The following TARS3 variants were observed in gnomAD, a reference collection of about 807,000 sequenced individuals.
TARS3 encodes threonine--tRNA ligase 2, cytoplasmic.
Under a neutral mutation model 103.5 loss-of-function variants are expected in TARS3, and 94 were observed. The ratio of observed to expected loss-of-function variants is 0.91; its 90% confidence interval spans 0.77 to 1.08. TARS3 has a LOEUF of 1.08. TARS3 is among the 50% of genes least tolerant of loss of function. The pLI is 0.00. For missense variants in TARS3, 952 were observed against 995.2 expected, an observed-to-expected ratio of 0.96 and a Z score of 0.58; for synonymous variants, 416 against 355.4, an observed-to-expected ratio of 1.17 and a Z score of -1.92.
intron 10 of TARS3, among the ~76,000 whole-genome samples, chr15:101,690,516 G>A: frequency 6.6e-6 from 1 of 152,050 alleles, no homozygotes; most frequent in East Asian, 1.9e-4. Context: ...CACACATACA[G>A]GATTTTGTTG....
Position 101,713,213 on chromosome 15 carries a change from A to G in TARS3, c.691-1212T>C, listed in dbSNP as rs542456270. Among the ~76,000 whole-genome samples, 6 of 152,314 alleles carry G rather than the reference A, an allele frequency of 3.9e-5. No individual in the cohort carries two copies. The South Asian group carries it at 1.0e-3, about 26-fold the overall frequency. ...AAGGAGATGAACAGGGCTCTGTAAT[A>G]TAGAAAAATGGTGAGTGTCCTGCAT... is the stretch of plus-strand genomic sequence containing the variant. On this transcript the variant is annotated intron_variant, in intron 4 of 18. Coordinates refer to ENST00000335968, the MANE Select transcript of TARS3 (RefSeq NM_152334.3).
chr15:101,654,654 T>C lies in TARS3; in HGVS notation c.2337A>G (p.Leu779=), dbSNP rs1897131299. Residue 779 remains leucine, a synonymous_variant, in exon 19 of 19, where the codon TTA becomes TTG. Coordinates refer to ENST00000335968, the MANE Select transcript of TARS3 (RefSeq NM_152334.3). ...TRDNKIHGEI[L]VTSAIDKLKN... is the part of the protein sequence containing the mutation. The stretch of plus-strand genomic sequence containing the variant: ...TCAGTTTATCAATGGCAGAAGTTAC[T>C]AAAATCTCTCCATGAATTTTGTTGT... 13 of 1,614,210 alleles carry C rather than the reference T, an allele frequency of 8.1e-6. No individual in the cohort carries two copies. The highest frequency in any genetic ancestry group is 1.3e-5 in the African/African-American group (1 of 75,072).
At chr15:101,676,599 A>G (rs1285988616) in intron 12 of TARS3, among the ~76,000 whole-genome samples, 1 of 151,998 alleles carries the variant, frequency 6.6e-6, no homozygotes, top group East Asian at 1.9e-4. Flanking sequence ...CTCGGGTTCA[A>G]GCGGTTCTCA....
rs185263161 is a variant in TARS3 at position 101,667,447 on chromosome 15, T to C, written c.1967+4039A>G. The stretch of plus-strand genomic sequence containing the variant: ...TCTTCTAATAGAAGGCTGCTTCATA[T>C]ATATTGAAAATCTGTTGTTTAGTGT... On this transcript the variant is annotated intron_variant, in intron 15 of 18. Transcript: ENST00000335968. Among the ~76,000 whole-genome samples the C allele has an allele frequency of 4.6e-5, 7 of 152,318 alleles. No homozygotes were observed. In the East Asian group the frequency reaches 9.6e-4, roughly 21 times the overall value.
rs533538921 is a variant in TARS3, at chr15:101,655,958, T to C, written c.2260+964A>G. The stretch of plus-strand genomic sequence containing the variant: ...AAAGTTTGTTCTCTCTAGTGACCCA[T>C]ATTGTGAGATGATGCAGGAATCTAC... On this transcript the variant is annotated intron_variant, in intron 18 of 18. Coordinates refer to ENST00000335968, the MANE Select transcript of TARS3 (RefSeq NM_152334.3). The C allele has an allele frequency of 1.8e-3, 2,378 of 1,289,200 alleles. 3 individuals carry two copies. The highest frequency in any genetic ancestry group is 1.9e-3 in the Non-Finnish European group (1,830 of 988,694). 79.9% of individuals were successfully genotyped at this position (1,289,200 alleles called of 1,614,324 possible). A position where few individuals can be genotyped will look rare whatever the true frequency, so the allele number is the denominator to read the frequency against.
At chr15:101,718,854 G>T (rs1286530743) in intron 3 of TARS3, among the ~76,000 whole-genome samples, 1 of 152,202 alleles carries the variant, frequency 6.6e-6, no homozygotes, top group African/African-American at 2.4e-5. Flanking sequence ...CATGGTAATT[G>T]TATTGCCAAA....
intron 13 of TARS3, 46 bp from the exon 14 acceptor site, chr15:101,671,794 T>C: frequency 1.3e-6 from 2 of 1,499,054 alleles, no homozygotes; most frequent in South Asian, 1.2e-5. Flanking sequence ...CTGTATCTTT[T>C]TTTTTTACAT....
intron 3 of TARS3, among the ~76,000 whole-genome samples, chr15:101,715,760 C>G (rs1900125937): frequency 2.0e-5 from 3 of 152,146 alleles, no homozygotes. Flanking sequence ...GAGTATATCA[C>G]ACAGACATCT....
intron 10 of TARS3, among the ~76,000 whole-genome samples, chr15:101,695,325 T>C (rs1425949876): frequency 6.6e-6 from 1 of 152,126 alleles, no homozygotes; most frequent in East Asian, 1.9e-4. Flanking sequence ...AGTTTTGGCA[T>C]TTCTGAAATG....
At chr15:101,689,162 T>A (rs575714922) in intron 10 of TARS3, among the ~76,000 whole-genome samples, 15 of 152,262 alleles carry the variant, frequency 9.9e-5, no homozygotes, top group African/African-American at 3.6e-4. Context: ...GGGGAAAGAC[T>A]TACTACCCTT....
chr15:101,701,506 G>C (rs957015365), intron 9 of TARS3, among the ~76,000 whole-genome samples: 1 of 152,224 alleles, frequency 6.6e-6, no homozygotes, highest in African/African-American at 2.4e-5. Flanking sequence ...GTGGGCTTTA[G>C]GTGATGATGA....
chr15:101,705,420 C>T (rs1182340183), intron 7 of TARS3, among the ~76,000 whole-genome samples: 1 of 152,176 alleles, frequency 6.6e-6, no homozygotes, highest in African/African-American at 2.4e-5. Context: ...ACTCCTTTCC[C>T]AACAGTATCA....
chr15:101,710,400 T>C (rs1899802114), intron 5 of TARS3, among the ~76,000 whole-genome samples: 1 of 152,210 alleles, frequency 6.6e-6, no homozygotes, highest in South Asian at 2.1e-4. Context: ...ACTCCCGATT[T>C]GTAGCCTGTA....
At chr15:101,702,447 T>C in intron 8 of TARS3, 62 bp from the exon 9 acceptor site, 1 of 1,390,710 alleles carries the variant, frequency 7.2e-7, no homozygotes, top group Non-Finnish European at 1.0e-6. Flanking sequence ...AAAACTGCTC[T>C]TAAATACAAA....
chr15:101,716,177 C>G (rs573254664), intron 3 of TARS3, among the ~76,000 whole-genome samples: 1 of 152,254 alleles, frequency 6.6e-6, no homozygotes, highest in East Asian at 1.9e-4. Context: ...CCACCACACT[C>G]AGCTAACTTT....
chr15:101,657,344 G>A (rs1897229221), intron 17 of TARS3, among the ~76,000 whole-genome samples: 1 of 152,216 alleles, frequency 6.6e-6, no homozygotes, highest in Admixed American at 6.5e-5. Flanking sequence ...AACTGTGAGC[G>A]AGCCCCGAGC....
At position 101,706,045 on chromosome 15, in the gene TARS3, C is replaced by T. The variant is rs545488794; in HGVS notation, c.931-298G>A. 3.3e-5 allele frequency among the ~76,000 whole-genome samples: 5 copies of T among 152,284 alleles called. No individual in the cohort carries two copies. The East Asian group carries it at 5.8e-4, about 18-fold the overall frequency. On this transcript the variant is annotated intron_variant, in intron 6 of 18. Transcript: ENST00000335968. ...GTGCCACCATCTTGGCTCACTGCAA[C>T]GTCCGTCTCCCTGGTTCAAGCGATT...
At chr15:101,660,118 T>C (rs549709637) in intron 16 of TARS3, among the ~76,000 whole-genome samples, 62 of 152,338 alleles carry the variant, frequency 4.1e-4, no homozygotes, top group African/African-American at 1.4e-3. Context: ...GAGGAACTGG[T>C]TGCAGTGACC....
chr15:101,685,762 A>T (rs1898444977), intron 11 of TARS3, 134 bp downstream of exon 11: 2 of 643,992 alleles, frequency 3.1e-6, no homozygotes, highest in Non-Finnish European at 4.8e-6. Flanking sequence ...GGAATGAAAC[A>T]ACTTAGTAAA....
Sources: gnomAD v4.1 joint callset for allele counts (sites outside exome capture counted in the v4.1 genomes callset) on GRCh38, gnomAD v4.1.1 for gene constraint, MANE v1.5 for transcripts, NCBI Gene and HGNC (gene_info 2026-07-23, HGNC 2026-07-21) for gene names.